The following NBEA variants were observed in gnomAD, a reference collection of about 807,000 sequenced individuals.
NBEA encodes the protein lysosomal-trafficking regulator 2.
NBEA carries 44 observed loss-of-function variants against 343.4 expected under a neutral mutation model. That is an observed-to-expected ratio of 0.13 (90% CI 0.10 to 0.16). NBEA has a LOEUF of 0.16. Ranked by LOEUF, NBEA falls within the 10% of genes least tolerant of loss-of-function variation. The pLI is 1.00. For missense variants in NBEA, 2,555 were observed against 3,631.3 expected, an observed-to-expected ratio of 0.70 and a Z score of 7.62; for synonymous variants, 1,175 against 1,238.7, an observed-to-expected ratio of 0.95 and a Z score of 1.08.
chr13:35,218,136 T>C (rs1433319100), intron 33 of NBEA, among the ~76,000 whole-genome samples: 1 of 152,090 alleles, frequency 6.6e-6, no homozygotes, highest in Non-Finnish European at 1.5e-5. Context: ...GGTTTCCCTG[T>C]CCTTAGGGTT....
At chr13:35,298,795 A>AT (rs1039435100) in intron 35 of NBEA, among the ~76,000 whole-genome samples, 1 of 151,644 alleles carries the variant, frequency 6.6e-6, no homozygotes, top group African/African-American at 2.4e-5. Context: ...GTATTTCCTA[A>AT]TTTTTTTTAT....
chr13:35,581,634 G>GA (rs2081041181), intron 45 of NBEA, among the ~76,000 whole-genome samples: 4 of 147,908 alleles, frequency 2.7e-5, no homozygotes, highest in South Asian at 4.2e-4. Flanking sequence ...ATCGCAAGGA[G>GA]AAAAAACCAA....
chr13:35,466,842 G>T (rs2075405289), intron 40 of NBEA, among the ~76,000 whole-genome samples: 1 of 151,902 alleles, frequency 6.6e-6, no homozygotes, highest in African/African-American at 2.4e-5. Context: ...AATATTATTT[G>T]TATATAAATA....
chr13:35,553,384 A>G (rs2079433795), intron 43 of NBEA, among the ~76,000 whole-genome samples: 3 of 152,032 alleles, frequency 2.0e-5, no homozygotes, highest in East Asian at 3.9e-4. Flanking sequence ...ACTTCCCTAG[A>G]TATACATCCT....
intron 41 of NBEA, among the ~76,000 whole-genome samples, chr13:35,519,896 C>T (rs1019423276): frequency 1.3e-5 from 2 of 152,016 alleles, no homozygotes; most frequent in African/African-American, 4.8e-5. Flanking sequence ...ATGTTTGTAC[C>T]CATTAACCAA....
chr13:35,396,056 A>T (rs2042730489), intron 38 of NBEA, among the ~76,000 whole-genome samples: 1 of 152,038 alleles, frequency 6.6e-6, no homozygotes, highest in South Asian at 2.1e-4. Flanking sequence ...CACAACATAT[A>T]GTTGAGTATT....
At chr13:35,525,119 T>C (rs1274992164) in intron 41 of NBEA, among the ~76,000 whole-genome samples, 4 of 152,250 alleles carry the variant, frequency 2.6e-5, no homozygotes, top group African/African-American at 7.2e-5. Context: ...ATCTTGTTAC[T>C]GTCAAAGGAT....
rs185795456 is a variant in NBEA, at chr13:35,139,226, A to G, written c.2337-3043A>G. Among the ~76,000 whole-genome samples, 392 of 151,754 alleles carry G rather than the reference A, an allele frequency of 2.6e-3. 1 individual carries two copies. The highest frequency in any genetic ancestry group is 9.1e-3 in the African/African-American group (377 of 41,374). ...TAGGTGCATGCCACCACACCTAGCTAATTTTTGTATTTTTAGTGTAGATGG... is the reference window on the plus strand; with the variant it reads ...TAGGTGCATGCCACCACACCTAGCTGATTTTTGTATTTTTAGTGTAGATGG... On this transcript the variant is annotated intron_variant, in intron 17 of 58. Transcript: ENST00000379939.
At chr13:35,148,283 C>A (rs957254229) in intron 18 of NBEA, among the ~76,000 whole-genome samples, 3 of 152,310 alleles carry the variant, frequency 2.0e-5, no homozygotes, top group East Asian at 1.9e-4. Context: ...AGGCTGCTTC[C>A]TTTATGCACA....
chr13:35,329,225 CTTAT>C (rs2038777401), intron 36 of NBEA, among the ~76,000 whole-genome samples: 1 of 151,976 alleles, frequency 6.6e-6, no homozygotes, highest in Admixed American at 6.6e-5. Context: ...CACGGGAACA[CTTAT>C]ACCATGGTGG....
rs563522908 is a variant in NBEA, at chr13:35,451,369, AC to A, written c.6305-721del. On this transcript the variant is annotated intron_variant, in intron 39 of 58. Transcript: ENST00000379939. ...CATCTCCTGACCTCGTGATCCGCCC[AC>A]CTCGGCCTCCCAAAGTGCTGGGATT... Among the ~76,000 whole-genome samples the A allele has an allele frequency of 8.5e-5, 13 of 152,214 alleles. No homozygotes were observed. The South Asian group carries it at 2.7e-3, about 32-fold the overall frequency.
At chr13:35,658,039 C>T (rs538177177) in intron 55 of NBEA, among the ~76,000 whole-genome samples, 1 of 152,116 alleles carries the variant, frequency 6.6e-6, no homozygotes, top group East Asian at 1.9e-4. Context: ...TTTGGTACAT[C>T]AGTTAGCAAG....
At chr13:34,997,361 C>A (rs771073986) in intron 1 of NBEA, among the ~76,000 whole-genome samples, 3 of 152,174 alleles carry the variant, frequency 2.0e-5, no homozygotes, top group Non-Finnish European at 4.4e-5. Flanking sequence ...TGGTTTGTAA[C>A]GTCTTTTTCA....
intron 34 of NBEA, among the ~76,000 whole-genome samples, chr13:35,265,257 G>C (rs556433956): frequency 6.6e-6 from 1 of 151,846 alleles, no homozygotes; most frequent in South Asian, 2.1e-4. Context: ...AAACCCATAT[G>C]GATCATGGGC....
chr13:35,583,357 T>A (rs556198918), intron 45 of NBEA, among the ~76,000 whole-genome samples: 1 of 152,274 alleles, frequency 6.6e-6, no homozygotes, highest in Admixed American at 6.5e-5. Context: ...CACCCTTAGG[T>A]GTGTAGTTTA....
intron 34 of NBEA, among the ~76,000 whole-genome samples, chr13:35,234,029 T>C (rs2075105200): frequency 6.6e-6 from 1 of 152,160 alleles, no homozygotes; most frequent in Non-Finnish European, 1.5e-5. Context: ...GAATAGTCAG[T>C]ACATTGGCCC....
intron 55 of NBEA, among the ~76,000 whole-genome samples, chr13:35,662,122 TA>T (rs2085121637): frequency 6.6e-6 from 1 of 152,276 alleles, no homozygotes. Context: ...AATACTAGTA[TA>T]TTTTTTTATC....
At chr13:35,155,132 TAAAAAAAAAAAAAAA>T (rs753159286) in intron 18 of NBEA, among the ~76,000 whole-genome samples, 3 of 61,864 alleles carry the variant, frequency 4.8e-5, no homozygotes, top group Admixed American at 4.2e-4. Context: ...ATTCTGTCTC[TAAAAAAAAAAAAAAA>T]AAAAAAAAAA....
chr13:35,491,476 C>CTTTG (rs1263736164), intron 41 of NBEA, among the ~76,000 whole-genome samples: 6 of 151,916 alleles, frequency 3.9e-5, no homozygotes, highest in Admixed American at 1.3e-4. Context: ...CATCAGTCAT[C>CTTTG]TGTACCTCAG....
Sources: allele counts gnomAD v4.1 joint callset (sites outside exome capture counted in the v4.1 genomes callset), GRCh38; gene constraint gnomAD v4.1.1; transcripts MANE v1.5; gene names NCBI Gene and HGNC (gene_info 2026-07-23, HGNC 2026-07-21).